The following EPB41L1 variants were observed in gnomAD, a reference collection of about 807,000 sequenced individuals.
The protein encoded by EPB41L1 is erythrocyte membrane protein band 4.1 like 1.
In EPB41L1, 29 loss-of-function variants were observed where a neutral mutation model predicts 97.8. The ratio of observed to expected loss-of-function variants is 0.30; its 90% confidence interval spans 0.22 to 0.40. EPB41L1 has a LOEUF of 0.40. Ranked by LOEUF, EPB41L1 falls within the 10% of genes least tolerant of loss-of-function variation. The probability of loss-of-function intolerance (pLI) is 1.00; values close to 1 mark genes in which losing one functional copy is unlikely to be tolerated. For synonymous variants in EPB41L1, 383 were observed against 459.2 expected (o/e 0.83, Z 2.12); for missense variants, 812 against 1,162.3 (o/e 0.70, Z 4.38).
At position 36,173,893 on chromosome 20, in the gene EPB41L1, A is replaced by C; in HGVS notation, c.116A>C (p.His39Pro). ...CCTGTGACCCCTGCAGGCCACGGCCACCCAGAGGCCAACTCCAATGAGAAG... is the reference window on the plus strand; with the variant it reads ...CCTGTGACCCCTGCAGGCCACGGCCCCCCAGAGGCCAACTCCAATGAGAAG... ...TTPVTPAGHG[H>P]PEANSNEKHP... is the part of the protein sequence containing the mutation. Residue 39 changes from histidine (H) to proline (P), a missense_variant, in exon 2 of 22, where the codon CAC becomes CCC. By Grantham distance (77) the His-to-Pro change is moderately conservative. Coordinates refer to ENST00000338074, the MANE Select transcript of EPB41L1 (RefSeq NM_012156.2). 3 of 1,613,926 alleles carry C rather than the reference A, an allele frequency of 1.9e-6. No homozygotes were observed. The highest frequency in any genetic ancestry group is 2.5e-6 in the Non-Finnish European group (3 of 1,179,916).
At chr20:36,200,726 A>G (rs2062448911) in intron 14 of EPB41L1, 1 of 373,440 alleles carries the variant, frequency 2.7e-6, no homozygotes, top group African/African-American at 2.1e-5. Context: ...AATCCTACAG[A>G]TATGGGACTT....
intron 21 of EPB41L1, 149 bp downstream of exon 21, chr20:36,222,543 A>G: frequency 7.6e-6 from 5 of 660,330 alleles, no homozygotes; most frequent in South Asian, 7.2e-5. Flanking sequence ...TTGCTGCTCA[A>G]AGGAGAGAGG....
intron 2 of EPB41L1, among the ~76,000 whole-genome samples, chr20:36,131,263 C>CCT (rs1235184103): frequency 4.6e-5 from 7 of 152,134 alleles, no homozygotes; most frequent in Non-Finnish European, 7.3e-5. Flanking sequence ...GCATGAGCCA[C>CCT]CGCGCCTGGC....
chr20:36,170,825 TATCTCAAAAATG>T (rs555154142), intron 1 of EPB41L1, among the ~76,000 whole-genome samples: 186 of 152,314 alleles, frequency 1.2e-3, no homozygotes, highest in African/African-American at 4.3e-3. Flanking sequence ...TAGATTGAAT[TATCTCAAAAATG>T]ATCTCAAAAG....
At position 36,190,734 on chromosome 20, in the gene EPB41L1, C is replaced by A; in HGVS notation, c.1237C>A (p.Pro413Thr). The A allele has an allele frequency of 6.2e-7, 1 of 1,614,194 alleles. No homozygotes were observed. The highest frequency in any genetic ancestry group is 8.5e-7 in the Non-Finnish European group (1 of 1,180,048). Reference protein sequence around the residue: ...TRQASALIDRPAPFFERSSSK... With the variant: ...TRQASALIDRTAPFFERSSSK... ...CCAGGCCAGCGCCCTCATTGACCGG[C>A]CTGCACCCTTCTTTGAGCGTTCTTC... Residue 413 changes from proline to threonine, a missense_variant, in exon 11 of 22, where the codon CCT becomes ACT. Physicochemically the swap from Pro to Thr is conservative, Grantham distance 38 (BLOSUM62 -1). Coordinates refer to ENST00000338074, the MANE Select transcript of EPB41L1 (RefSeq NM_012156.2). This position sits in a 1 kb window ranked among gnomAD's most constrained non-coding sequence, Gnocchi z 5.8.
chr20:36,118,262 G>A, intron 2 of EPB41L1, among the ~76,000 whole-genome samples: 1 of 151,956 alleles, frequency 6.6e-6, no homozygotes, highest in East Asian at 1.9e-4. Flanking sequence ...TGAGGCAGGA[G>A]AATTGCTTGA....
At chr20:36,169,432 C>G (rs575388466) in intron 1 of EPB41L1, among the ~76,000 whole-genome samples, 3 of 152,166 alleles carry the variant, frequency 2.0e-5, no homozygotes, top group Non-Finnish European at 4.4e-5. Context: ...TAGCCCTGGG[C>G]CTGGCTGGCA....
intron 19 of EPB41L1, 102 bp from the exon 20 acceptor site, chr20:36,221,762 G>A: frequency 1.0e-6 from 1 of 1,002,168 alleles, no homozygotes; most frequent in Non-Finnish European, 1.6e-6. Context: ...GTAACTGCTG[G>A]TTCTCAGCCC....
intron 2 of EPB41L1, among the ~76,000 whole-genome samples, chr20:36,118,121 AG>A (rs527367611): frequency 5.3e-5 from 8 of 152,230 alleles, no homozygotes; most frequent in Non-Finnish European, 1.2e-4. Flanking sequence ...AGGACAGCTT[AG>A]AGAGGCAAGG....
intron 2 of EPB41L1, among the ~76,000 whole-genome samples, chr20:36,134,146 A>C (rs1322396079): frequency 6.6e-6 from 1 of 152,146 alleles, no homozygotes; most frequent in African/African-American, 2.4e-5. Context: ...ATTTGAACCC[A>C]GGTCTGTCTG....
At position 36,195,422 on chromosome 20, in the gene EPB41L1, C is replaced by G; in HGVS notation, c.1485+58C>G. 6.3e-7 allele frequency: 1 copy of G among 1,589,728 alleles called. No individual in the cohort carries two copies. Among genetic ancestry groups the G allele is most frequent in the Non-Finnish European group, 8.6e-7 (1 of 1,158,036 alleles). On this transcript the variant is annotated intron_variant, in intron 13 of 21. Transcript: ENST00000338074. This position sits in a 1 kb window ranked among gnomAD's most constrained non-coding sequence, Gnocchi z 4.6. ...CCGTTCCCATCCCTAGCTCATTTGTCACCATCCCACAGTCCATCCCAGGCT... is the reference window on the plus strand; with the variant it reads ...CCGTTCCCATCCCTAGCTCATTTGTGACCATCCCACAGTCCATCCCAGGCT...
chr20:36,110,648 CA>C (rs1457908604), intron 1 of EPB41L1: 5 of 152,414 alleles, frequency 3.3e-5, no homozygotes, highest in African/African-American at 1.2e-4. Flanking sequence ...CACACACACA[CA>C]CACACACACA....
intron 1 of EPB41L1, among the ~76,000 whole-genome samples, chr20:36,166,947 T>C (rs2060762872): frequency 6.6e-6 from 1 of 152,222 alleles, no homozygotes; most frequent in Non-Finnish European, 1.5e-5. Context: ...GTGATAAGAA[T>C]TTTTGGAAAT....
upstream of EPB41L1, among the ~76,000 whole-genome samples, chr20:36,153,787 T>C (rs1168851100): frequency 6.6e-6 from 1 of 152,192 alleles, no homozygotes; most frequent in Non-Finnish European, 1.5e-5. Context: ...CAGAGTCCTC[T>C]GTGGCTTGAG....
intron 1 of EPB41L1, among the ~76,000 whole-genome samples, chr20:36,166,201 C>T (rs577985995): frequency 1.9e-4 from 29 of 152,304 alleles, no homozygotes; most frequent in African/African-American, 6.7e-4. Context: ...ACCTTTTATC[C>T]ATCTACCCCT....
intron 2 of EPB41L1, among the ~76,000 whole-genome samples, chr20:36,123,502 G>A (rs1175730693): frequency 1.3e-5 from 2 of 152,130 alleles, no homozygotes; most frequent in Non-Finnish European, 2.9e-5. Flanking sequence ...GTGCAGTGGC[G>A]CAATCTTGGC....
intron 2 of EPB41L1, among the ~76,000 whole-genome samples, chr20:36,138,486 T>G (rs2059505665): frequency 6.6e-6 from 1 of 152,118 alleles, no homozygotes; most frequent in South Asian, 2.1e-4. Flanking sequence ...TGGTCTCGAC[T>G]CCCAGCCTCA....
intron 17 of EPB41L1, among the ~76,000 whole-genome samples, chr20:36,217,398 T>A (rs772966932): frequency 1.3e-5 from 2 of 152,030 alleles, no homozygotes; most frequent in Non-Finnish European, 2.9e-5. Context: ...AGGGCTGAGT[T>A]TGCCTTGGTC....
rs371767556 is a variant in EPB41L1, at chr20:36,225,495, C to G, written c.2637+3101C>G. ...GGTCCTTAGGGAGTCCGCGTGCAGC[C>G]AGGTATAGTAGCATTGATGCAAAGA... On this transcript the variant is annotated intron_variant, in intron 21 of 21. Transcript: ENST00000338074. Among the ~76,000 whole-genome samples, 3 of 152,104 alleles carry G rather than the reference C, an allele frequency of 2.0e-5. No individual in the cohort carries two copies. In the East Asian group the frequency reaches 5.8e-4, roughly 29 times the overall value.
Sources: gnomAD v4.1 joint callset for allele counts (sites outside exome capture counted in the v4.1 genomes callset) on GRCh38, gnomAD v4.1.1 for gene constraint, Gnocchi (gnomAD v3.1) non-coding constraint, MANE v1.5 for transcripts, NCBI Gene and HGNC (gene_info 2026-07-23, HGNC 2026-07-21) for gene names.